The following TTLL11 variants were observed in gnomAD, a reference collection of about 807,000 sequenced individuals.
The protein encoded by TTLL11 is tubulin polyglutamylase TTLL11.
A neutral mutation model predicts 51.7 loss-of-function variants in TTLL11; 42 were observed. The ratio of observed to expected loss-of-function variants is 0.81; its 90% CI spans 0.64 to 1.05. TTLL11 has a LOEUF of 1.05. Ranked by LOEUF, TTLL11 falls within the 50% of genes least tolerant of loss-of-function variation. The pLI is 0.00. For synonymous variants in TTLL11, 381 were observed against 383.5 expected, an observed-to-expected ratio of 0.99 and a Z score of 0.08; for missense variants, 799 against 940.4, an observed-to-expected ratio of 0.85 and a Z score of 1.97.
At chr9:122,067,602 G>A (rs1845620637) in intron 1 of TTLL11, among the ~76,000 whole-genome samples, 1 of 152,078 alleles carries the variant, frequency 6.6e-6, no homozygotes. Flanking sequence ...GCTCACTGCA[G>A]CCAGGATCTT....
chr9:121,952,203 T>G (rs1433844612), intron 6 of TTLL11, among the ~76,000 whole-genome samples: 1 of 151,978 alleles, frequency 6.6e-6, no homozygotes, highest in African/African-American at 2.4e-5. Flanking sequence ...TCCCAGCACT[T>G]TGGGAGGCCG....
chr9:122,034,117 G>A (rs1278834017), intron 2 of TTLL11, among the ~76,000 whole-genome samples: 1 of 152,204 alleles, frequency 6.6e-6, no homozygotes, highest in Non-Finnish European at 1.5e-5. Context: ...CGTAGAGGAT[G>A]CCTCCTGACC....
intron 8 of TTLL11, among the ~76,000 whole-genome samples, chr9:121,844,310 C>CA (rs147019652): frequency 0.034 from 5,107 of 151,336 alleles, 255 homozygotes; most frequent in African/African-American, 0.12. Flanking sequence ...AAAAACAAAA[C>CA]AAAAAAAACA....
intron 6 of TTLL11, among the ~76,000 whole-genome samples, chr9:121,883,563 A>G (rs1407950290): frequency 6.6e-6 from 1 of 152,202 alleles, no homozygotes; most frequent in Middle Eastern, 3.2e-3. Context: ...CTAATAAATT[A>G]GGCATGCCTA....
At chr9:121,998,484 C>G (rs1157583733) in intron 3 of TTLL11, among the ~76,000 whole-genome samples, 1 of 151,998 alleles carries the variant, frequency 6.6e-6, no homozygotes. Context: ...CGGAGTTTCA[C>G]TACGTTGGTC....
intron 6 of TTLL11, among the ~76,000 whole-genome samples, chr9:121,899,368 T>TATATATAC (rs1564295301): frequency 3.8e-4 from 33 of 86,750 alleles, no homozygotes; most frequent in African/African-American, 9.9e-4. Flanking sequence ...TGTGTGTGTA[T>TATATATAC]ATATATATAC....
intron 6 of TTLL11, among the ~76,000 whole-genome samples, chr9:121,878,978 G>A (rs1838671262): frequency 6.6e-6 from 1 of 152,158 alleles, no homozygotes; most frequent in African/African-American, 2.4e-5. Context: ...TCCCAGCTCT[G>A]CCACTCACAA....
intron 3 of TTLL11, among the ~76,000 whole-genome samples, chr9:122,011,352 G>A (rs983377302): frequency 2.6e-5 from 4 of 152,084 alleles, no homozygotes; most frequent in Non-Finnish European, 5.9e-5. Context: ...TTATAAAATG[G>A]AGGTAATAAG....
chr9:122,019,044 G>T (rs1341147072), intron 3 of TTLL11, among the ~76,000 whole-genome samples: 1 of 152,150 alleles, frequency 6.6e-6, no homozygotes, highest in African/African-American at 2.4e-5. Context: ...TTGGCAAATG[G>T]TGACCCAGCA....
intron 8 of TTLL11, among the ~76,000 whole-genome samples, chr9:121,846,300 T>C (rs982900167): frequency 2.0e-5 from 3 of 152,116 alleles, no homozygotes; most frequent in Admixed American, 6.5e-5. Flanking sequence ...CTGATAGAAC[T>C]ACAAAGAAAA....
chr9:122,059,172 A>G (rs924294601), intron 1 of TTLL11, among the ~76,000 whole-genome samples: 1 of 152,138 alleles, frequency 6.6e-6, no homozygotes, highest in Non-Finnish European at 1.5e-5. Flanking sequence ...TGGGATTAAG[A>G]CTCAGGAAAC....
At chr9:121,826,180 T>G (rs1836747289) in intron 8 of TTLL11, among the ~76,000 whole-genome samples, 1 of 14,630 alleles carries the variant, frequency 6.8e-5, no homozygotes, top group African/African-American at 2.0e-4. Flanking sequence ...ATATAACCAG[T>G]AACCTATATA....
At chr9:121,824,795 C>G (rs1273280893) in intron 8 of TTLL11, among the ~76,000 whole-genome samples, 2 of 152,146 alleles carry the variant, frequency 1.3e-5, no homozygotes, top group African/African-American at 4.8e-5. Context: ...AAATCCACAC[C>G]TTCCTGGTGA....
chr9:121,891,384 G>T (rs1839225125), intron 6 of TTLL11, among the ~76,000 whole-genome samples: 1 of 152,168 alleles, frequency 6.6e-6, no homozygotes, highest in South Asian at 2.1e-4. Flanking sequence ...CCTGGCACAG[G>T]GCAGGCATTT....
chr9:121,829,774 T>TACACACACACAC (rs10536790), intron 8 of TTLL11, among the ~76,000 whole-genome samples: 19 of 143,980 alleles, frequency 1.3e-4, no homozygotes, highest in African/African-American at 4.4e-4. Context: ...ATAATTCAAG[T>TACACACACACAC]ACACACACAC....
intron 3 of TTLL11, among the ~76,000 whole-genome samples, chr9:122,029,979 C>T (rs1357978314): frequency 2.0e-5 from 3 of 152,050 alleles, no homozygotes; most frequent in Admixed American, 1.3e-4. Context: ...ATCCTAGGAG[C>T]GATAGGCTAT....
At chr9:121,909,477 AG>A (rs930151228) in intron 6 of TTLL11, among the ~76,000 whole-genome samples, 1 of 152,162 alleles carries the variant, frequency 6.6e-6, no homozygotes, top group African/African-American at 2.4e-5. Context: ...ATAAATAAGA[AG>A]GGCTCTAGAA....
At chr9:121,941,019 C>T (rs7869913) in intron 6 of TTLL11, among the ~76,000 whole-genome samples, 44,533 of 152,074 alleles carry the variant, frequency 0.29, 6,933 homozygotes, top group African/African-American at 0.4. Context: ...AAAACTAACA[C>T]GTTTAAGATT....
chr9:121,897,736 G>A (rs2131465850), intron 6 of TTLL11, among the ~76,000 whole-genome samples: 1 of 152,020 alleles, frequency 6.6e-6, no homozygotes, highest in Admixed American at 6.6e-5. Context: ...CTCTGCCCAT[G>A]TCTCCATTCT....
Sources: allele counts gnomAD v4.1 joint callset (sites outside exome capture counted in the v4.1 genomes callset), GRCh38; gene constraint gnomAD v4.1.1; transcripts MANE v1.5; gene names NCBI Gene and HGNC (gene_info 2026-07-23, HGNC 2026-07-21).